The following MACROD2 variants were observed in gnomAD, a reference collection of about 807,000 sequenced individuals.
MACROD2 encodes the protein ADP-ribose glycohydrolase MACROD2.
Under a neutral mutation model 70.4 loss-of-function variants are expected in MACROD2, and 36 were observed. The ratio of observed to expected loss-of-function variants is 0.51; its 90% confidence interval spans 0.39 to 0.68. The LOEUF (loss-of-function observed/expected upper bound fraction) is 0.68, where lower values mean the gene tolerates loss of function less well. MACROD2 is among the 30% of genes least tolerant of loss of function. The pLI, the probability that MACROD2 is intolerant of heterozygous loss-of-function variation, is 0.00. For missense variants in MACROD2, 496 were observed against 538.4 expected, an observed-to-expected ratio of 0.92 and a Z score of 0.78; for synonymous variants, 172 against 178.8, an observed-to-expected ratio of 0.96 and a Z score of 0.30.
At chr20:14,235,266 T>C (rs1464507483) in intron 3 of MACROD2, among the ~76,000 whole-genome samples, 3 of 152,232 alleles carry the variant, frequency 2.0e-5, no homozygotes, top group African/African-American at 4.8e-5. Flanking sequence ...ATTTCAATTA[T>C]AGTTCTTAAA....
At chr20:14,101,045 C>G (rs2054297719) in intron 3 of MACROD2, among the ~76,000 whole-genome samples, 1 of 150,662 alleles carries the variant, frequency 6.6e-6, no homozygotes, top group African/African-American at 2.4e-5. Context: ...TTTATTTTAT[C>G]TGATTATTTT....
At chr20:15,886,227 T>A (rs2064820412) in intron 10 of MACROD2, among the ~76,000 whole-genome samples, 1 of 152,150 alleles carries the variant, frequency 6.6e-6, no homozygotes, top group Non-Finnish European at 1.5e-5. Context: ...TTCACTCACT[T>A]GTCTGTCTAG....
intron 5 of MACROD2, among the ~76,000 whole-genome samples, chr20:14,942,433 C>G (rs1322462776): frequency 1.3e-5 from 2 of 151,606 alleles, no homozygotes; most frequent in African/African-American, 4.9e-5. Context: ...TCTCCTCCTC[C>G]TCTTCCTCCT....
chr20:14,693,816 G>A (rs973647455), intron 5 of MACROD2, among the ~76,000 whole-genome samples: 3 of 152,296 alleles, frequency 2.0e-5, no homozygotes, highest in Non-Finnish European at 4.4e-5. Context: ...TTGTCTAGGA[G>A]TGTGAAGATC....
chr20:15,021,221 GGTGTGCGTATACA>G (rs1568534846), intron 5 of MACROD2, among the ~76,000 whole-genome samples: 49 of 3,812 alleles, frequency 0.013, 5 homozygotes, highest in African/African-American at 0.02. Context: ...TACACATACA[GGTGTGCGTATACA>G]CACACCTGTG....
chr20:15,641,539 T>A (rs1263671607), intron 8 of MACROD2, among the ~76,000 whole-genome samples: 1 of 152,180 alleles, frequency 6.6e-6, no homozygotes, highest in Admixed American at 6.5e-5. Context: ...CTTCATGGAA[T>A]CTGGTATATA....
chr20:14,577,637 C>G (rs1164755564), intron 4 of MACROD2, among the ~76,000 whole-genome samples: 1 of 151,898 alleles, frequency 6.6e-6, no homozygotes. Flanking sequence ...AAAAAATTAG[C>G]CAGGCATGGT....
At chr20:15,857,768 A>G (rs888352115) in intron 8 of MACROD2, among the ~76,000 whole-genome samples, 1 of 152,244 alleles carries the variant, frequency 6.6e-6, no homozygotes, top group African/African-American at 2.4e-5. Context: ...GAAAAAAACT[A>G]TAGAGATGAG....
chr20:14,186,976 A>G (rs1379568050), intron 3 of MACROD2, among the ~76,000 whole-genome samples: 1 of 152,142 alleles, frequency 6.6e-6, no homozygotes, highest in Non-Finnish European at 1.5e-5. Context: ...GAAGGGAGGC[A>G]AGCATTGAAA....
At chr20:14,953,889 G>A (rs2074496362) in intron 5 of MACROD2, among the ~76,000 whole-genome samples, 1 of 152,078 alleles carries the variant, frequency 6.6e-6, no homozygotes. Context: ...CCATGTATCT[G>A]ACAATGAAAT....
chr20:15,860,239 ACACACT>A (rs2064407098), intron 8 of MACROD2, among the ~76,000 whole-genome samples: 1 of 151,672 alleles, frequency 6.6e-6, no homozygotes, highest in African/African-American at 2.4e-5. Flanking sequence ...ACATATTTAT[ACACACT>A]CACACAAGAA....
At chr20:16,035,976 G>A (rs2067230150) in intron 15 of MACROD2, among the ~76,000 whole-genome samples, 1 of 152,022 alleles carries the variant, frequency 6.6e-6, no homozygotes, top group African/African-American at 2.4e-5. Context: ...AAGAGAGAGT[G>A]AAGTAGATTC....
chr20:14,138,355 C>T (rs1049597681), intron 3 of MACROD2, among the ~76,000 whole-genome samples: 3 of 152,070 alleles, frequency 2.0e-5, no homozygotes, highest in African/African-American at 4.8e-5. Flanking sequence ...ATGGAAACTA[C>T]TGAAATGTCC....
intron 5 of MACROD2, among the ~76,000 whole-genome samples, chr20:15,007,245 T>C (rs1476375333): frequency 6.6e-6 from 1 of 152,080 alleles, no homozygotes; most frequent in Non-Finnish European, 1.5e-5. Flanking sequence ...GTGCCTGTAG[T>C]CCCAGCTACT....
At chr20:15,510,063 A>G (rs1321369948) in intron 8 of MACROD2, among the ~76,000 whole-genome samples, 1 of 152,212 alleles carries the variant, frequency 6.6e-6, no homozygotes. Context: ...AACAACCTTG[A>G]CCCATTTAGT....
intron 5 of MACROD2, among the ~76,000 whole-genome samples, chr20:14,797,038 G>C (rs997792819): frequency 6.6e-6 from 1 of 151,790 alleles, no homozygotes; most frequent in Non-Finnish European, 1.5e-5. Flanking sequence ...TCAATGAGGA[G>C]GTGAAGCCAA....
intron 4 of MACROD2, among the ~76,000 whole-genome samples, chr20:14,682,863 G>GA (rs1490727381): frequency 6.6e-6 from 1 of 152,204 alleles, no homozygotes; most frequent in Admixed American, 6.5e-5. Context: ...CTTTGTAAGA[G>GA]AAAAAACTTT....
At chr20:14,229,981 A>C (rs986156330) in intron 3 of MACROD2, among the ~76,000 whole-genome samples, 1 of 152,250 alleles carries the variant, frequency 6.6e-6, no homozygotes, top group South Asian at 2.1e-4. Flanking sequence ...TGTTTATACT[A>C]TACTTTAGTC....
At chr20:15,395,258 A>G (rs1262442807) in intron 6 of MACROD2, among the ~76,000 whole-genome samples, 2 of 152,244 alleles carry the variant, frequency 1.3e-5, no homozygotes, top group Middle Eastern at 3.2e-3. Flanking sequence ...CACTGGAAGT[A>G]TGTGCCAAAG....
Sources: gnomAD v4.1 joint callset for allele counts (sites outside exome capture counted in the v4.1 genomes callset) on GRCh38, gnomAD v4.1.1 for gene constraint, MANE v1.5 for transcripts, NCBI Gene and HGNC (gene_info 2026-07-23, HGNC 2026-07-21) for gene names.